Variants in GRID2 observed in about 807,000 individuals in gnomAD.
The protein encoded by GRID2 is glutamate receptor ionotropic, delta-2.
In GRID2, 33 loss-of-function variants were observed where a neutral mutation model predicts 114.8. The observed-to-expected ratio is 0.29, with a 90% CI of 0.22 to 0.38. GRID2 has a LOEUF of 0.38. GRID2 is among the 10% of genes least tolerant of loss of function. The probability of loss-of-function intolerance (pLI) is 1.00; values close to 1 mark genes in which losing one functional copy is unlikely to be tolerated. For synonymous variants in GRID2, 505 were observed against 449.9 expected (o/e 1.12, Z -1.55); for missense variants, 1,184 against 1,257.7 (o/e 0.94, Z 0.89).
chr4:93,578,405 G>C (rs888813563), intron 13 of GRID2, among the ~76,000 whole-genome samples: 2 of 151,968 alleles, frequency 1.3e-5, no homozygotes, highest in African/African-American at 4.8e-5. Flanking sequence ...TTAAAAGTGG[G>C]GAGGGGTTGG....
intron 1 of GRID2, among the ~76,000 whole-genome samples, chr4:92,515,027 T>C (rs956420374): frequency 6.6e-6 from 1 of 151,926 alleles, no homozygotes; most frequent in African/African-American, 2.4e-5. Flanking sequence ...TTCTCCACAA[T>C]TGCCCTCAAC....
At chr4:93,193,015 G>T (rs540973963) in intron 4 of GRID2, among the ~76,000 whole-genome samples, 1 of 152,254 alleles carries the variant, frequency 6.6e-6, no homozygotes, top group South Asian at 2.1e-4. Context: ...TTCAACAATT[G>T]TGGTGATCAA....
At chr4:92,750,985 A>C (rs1369120552) in intron 2 of GRID2, among the ~76,000 whole-genome samples, 3 of 152,174 alleles carry the variant, frequency 2.0e-5, no homozygotes, top group Admixed American at 2.0e-4. Flanking sequence ...AATATTAATT[A>C]TAAGAAAATC....
At chr4:93,056,621 A>C (rs1384850498) in intron 2 of GRID2, among the ~76,000 whole-genome samples, 1 of 151,968 alleles carries the variant, frequency 6.6e-6, no homozygotes, top group Non-Finnish European at 1.5e-5. Context: ...TTCAATTATA[A>C]TTACCTTTTT....
At chr4:93,710,326 C>T (rs1017116723) in intron 14 of GRID2, among the ~76,000 whole-genome samples, 7 of 152,322 alleles carry the variant, frequency 4.6e-5, no homozygotes, top group Admixed American at 6.5e-5. Context: ...GACCTTGCAG[C>T]CTGTTAGAGG....
rs1440368708 is a variant in GRID2, at chr4:92,598,043, T to C, written c.244+7757T>C. 1.3e-5 allele frequency among the ~76,000 whole-genome samples: 2 copies of C among 152,188 alleles called. 1 individual carries two copies. Among genetic ancestry groups the C allele is most frequent in the Middle Eastern group, 6.3e-3 (2 of 316 alleles). ...ATTTAACACCTATTTTTTGTTGTCC[T>C]TGACAAGTGTAATGAGGTTTATGGG... On this transcript the variant is annotated intron_variant, in intron 2 of 15. Coordinates refer to ENST00000282020, the MANE Select transcript of GRID2 (RefSeq NM_001510.4).
At chr4:92,907,997 T>C (rs529351808) in intron 2 of GRID2, among the ~76,000 whole-genome samples, 233 of 152,178 alleles carry the variant, frequency 1.5e-3, no homozygotes, top group Admixed American at 5.5e-3. Flanking sequence ...TACTCCAGCC[T>C]GGGCAACAAG....
intron 2 of GRID2, among the ~76,000 whole-genome samples, chr4:92,986,160 A>G (rs534231514): frequency 3.9e-5 from 6 of 152,296 alleles, no homozygotes; most frequent in East Asian, 3.9e-4. Context: ...AATGTCATAC[A>G]TAAGCCCCCA....
chr4:93,728,700 G>T (rs921996129), intron 14 of GRID2, among the ~76,000 whole-genome samples: 10 of 152,032 alleles, frequency 6.6e-5, no homozygotes, highest in South Asian at 2.1e-4. Flanking sequence ...TTTAGGATAG[G>T]TAGCTCTTCT....
chr4:93,269,989 G>C (rs1056680681), intron 8 of GRID2, among the ~76,000 whole-genome samples: 2 of 152,068 alleles, frequency 1.3e-5, no homozygotes, highest in African/African-American at 4.8e-5. Context: ...ATAAGGCAAA[G>C]ACATAGGGAT....
At chr4:93,474,777 T>C (rs964359317) in intron 11 of GRID2, among the ~76,000 whole-genome samples, 1 of 152,086 alleles carries the variant, frequency 6.6e-6, no homozygotes, top group Non-Finnish European at 1.5e-5. Context: ...TCCCCACTCC[T>C]CTATGATATT....
At chr4:93,455,390 A>T (rs780644386) in intron 10 of GRID2, among the ~76,000 whole-genome samples, 3 of 152,078 alleles carry the variant, frequency 2.0e-5, no homozygotes, top group East Asian at 3.9e-4. Flanking sequence ...TCCCTGTGTT[A>T]TCTGTGTCTG....
chr4:93,081,295 G>T (rs1290869844), intron 2 of GRID2, among the ~76,000 whole-genome samples: 3 of 152,172 alleles, frequency 2.0e-5, no homozygotes, highest in African/African-American at 7.2e-5. Context: ...CTCATTTTCA[G>T]TAAGAGGTAA....
chr4:92,713,515 ATATT>A (rs1469063368), intron 2 of GRID2, among the ~76,000 whole-genome samples: 2 of 130,050 alleles, frequency 1.5e-5, no homozygotes, highest in Non-Finnish European at 3.2e-5. Context: ...ATATATATAT[ATATT>A]ACCAAAATTA....
chr4:93,103,887 G>C (rs755096128), intron 3 of GRID2, among the ~76,000 whole-genome samples: 2 of 149,832 alleles, frequency 1.3e-5, no homozygotes, highest in Non-Finnish European at 3.0e-5. Context: ...TGATCCCATA[G>C]AAATGGGATT....
At position 93,348,768 on chromosome 4, in the gene GRID2, A is replaced by G. The variant is rs571799282; in HGVS notation, c.1246-46839A>G. On this transcript the variant is annotated intron_variant, in intron 8 of 15. Transcript: ENST00000282020. ...TCAGCATGGGTGCAGAAGACCAACTACACGTAGAGGGAAAACAATCAAATA... is the reference window on the plus strand; with the variant it reads ...TCAGCATGGGTGCAGAAGACCAACTGCACGTAGAGGGAAAACAATCAAATA... 3.9e-5 allele frequency among the ~76,000 whole-genome samples: 6 copies of G among 152,274 alleles called. No homozygotes were observed. The East Asian group carries it at 1.2e-3, about 29-fold the overall frequency.
chr4:92,481,634 A>G (rs1000948307), intron 1 of GRID2, among the ~76,000 whole-genome samples: 27 of 152,038 alleles, frequency 1.8e-4, no homozygotes, highest in African/African-American at 6.5e-4. Context: ...AAAGTTAGGT[A>G]GTGTGATGCC....
Position 93,262,280 on chromosome 4 carries a change from G to A in GRID2, c.1245+23790G>A, listed in dbSNP as rs146261824. Among the ~76,000 whole-genome samples, 664 of 151,970 alleles carry A rather than the reference G, an allele frequency of 4.4e-3. 4 individuals are homozygous for A. Among genetic ancestry groups the A allele is most frequent in the African/African-American group, 0.015 (631 of 41,518 alleles). ...TCCCTTCTTAGCATTCCTTTCTAAA[G>A]CAGTGCCTCACATAGGACTTCACTC... On this transcript the variant is annotated intron_variant, in intron 8 of 15. Transcript: ENST00000282020.
At chr4:93,400,888 G>A (rs1765818220) in intron 9 of GRID2, among the ~76,000 whole-genome samples, 1 of 152,070 alleles carries the variant, frequency 6.6e-6, no homozygotes. Flanking sequence ...CCAGGCTGGA[G>A]TACAGTGGCA....
Sources: gnomAD v4.1 joint callset for allele counts (sites outside exome capture counted in the v4.1 genomes callset) on GRCh38, gnomAD v4.1.1 for gene constraint, MANE v1.5 for transcripts, NCBI Gene and HGNC (gene_info 2026-07-23, HGNC 2026-07-21) for gene names.